Variants in FAT3 observed in about 807,000 individuals in gnomAD.
FAT3 encodes protocadherin Fat 3.
FAT3 carries 95 observed loss-of-function variants against 310.2 expected under a neutral mutation model. The ratio of observed to expected loss-of-function variants is 0.31; its 90% CI spans 0.26 to 0.36. FAT3 has a LOEUF of 0.36. Ranked by LOEUF, FAT3 falls within the 10% of genes least tolerant of loss-of-function variation. The pLI, the probability that FAT3 is intolerant of heterozygous loss-of-function variation, is 1.00. For synonymous variants in FAT3, 2,314 were observed against 2,192.9 expected (o/e 1.06, Z -1.54); for missense variants, 5,408 against 5,715.6 (o/e 0.95, Z 1.74).
intron 4 of FAT3, among the ~76,000 whole-genome samples, chr11:92,727,617 G>A (rs1397252481): frequency 1.3e-5 from 2 of 152,170 alleles, no homozygotes; most frequent in Non-Finnish European, 2.9e-5. Flanking sequence ...TGTGGGTGGC[G>A]TGGTAGGTTT....
intron 1 of FAT3, among the ~76,000 whole-genome samples, chr11:92,242,562 C>G (rs3740707): frequency 1.3e-5 from 2 of 151,646 alleles, no homozygotes; most frequent in East Asian, 3.9e-4. Flanking sequence ...GCTAGGAGGT[C>G]AAGGAGATAA....
chr11:92,352,721 C>G lies in FAT3; in HGVS notation c.609C>G (p.Leu203=), dbSNP rs1224338683. 4 of 1,613,816 alleles carry G rather than the reference C, an allele frequency of 2.5e-6. No individual in the cohort carries two copies. Among genetic ancestry groups the G allele is most frequent in the South Asian group, 2.2e-5 (2 of 91,076 alleles). Residue 203 remains leucine (L), a synonymous_variant, in exon 2 of 28, where the codon CTC becomes CTG. Transcript: ENST00000525166. ...ACTACTTTAAAAATAAAGTTGATCT[C>G]TTTTCAGTTCACCCCACGAGTGGTG... ...FYYYFKNKVD[L]FSVHPTSGVI...
intron 7 of FAT3, 99 bp downstream of exon 7, chr11:92,774,279 T>A: frequency 7.8e-7 from 1 of 1,280,316 alleles, no homozygotes; most frequent in Non-Finnish European, 1.1e-6. Flanking sequence ...TAGTAAATTA[T>A]GTCGACGGTT....
At chr11:92,836,478 A>C in intron 15 of FAT3, 88 bp from the exon 16 acceptor site, 1 of 1,462,342 alleles carries the variant, frequency 6.8e-7, no homozygotes, top group Non-Finnish European at 9.2e-7. Flanking sequence ...TCACAGCTGC[A>C]CCCATTTAAA....
At chr11:92,586,091 A>G (rs2135546959) in intron 3 of FAT3, among the ~76,000 whole-genome samples, 1 of 152,084 alleles carries the variant, frequency 6.6e-6, no homozygotes, top group South Asian at 2.1e-4. Flanking sequence ...ATGAGAGGAG[A>G]AGGATGTTTC....
intron 2 of FAT3, among the ~76,000 whole-genome samples, chr11:92,513,015 G>T (rs1591386061): frequency 1.0e-5 from 1 of 97,904 alleles, no homozygotes; most frequent in East Asian, 3.0e-4. Flanking sequence ...CCAGCTACTC[G>T]GGAGGCTGAG....
chr11:92,792,742 A>G, intron 8 of FAT3, 25 bp from the exon 9 acceptor site: 1 of 1,609,324 alleles, frequency 6.2e-7, no homozygotes, highest in Non-Finnish European at 8.5e-7. Flanking sequence ...TTTGAGTCCC[A>G]CCACTTCTTG....
chr11:92,363,327 G>A (rs752861504), intron 2 of FAT3, among the ~76,000 whole-genome samples: 18 of 152,336 alleles, frequency 1.2e-4, no homozygotes, highest in Middle Eastern at 6.8e-3. Flanking sequence ...TTGAAAAAAT[G>A]AGGAGCTCTT....
intron 2 of FAT3, among the ~76,000 whole-genome samples, chr11:92,383,156 C>G (rs1949538879): frequency 6.6e-6 from 1 of 152,156 alleles, no homozygotes; most frequent in Admixed American, 6.5e-5. Context: ...TGTCCCTGCA[C>G]AGGACATGAT....
intron 3 of FAT3, among the ~76,000 whole-genome samples, chr11:92,540,540 AC>A (rs1255664286): frequency 3.3e-5 from 5 of 152,054 alleles, no homozygotes; most frequent in Admixed American, 1.3e-4. Flanking sequence ...TTTTCATGAG[AC>A]TCCTGTTGGA....
rs1950319479 is a variant in FAT3 at position 92,412,750 on chromosome 11, T to TATATATATATATATAC, written c.3292+57347_3292+57348insTATATATATATATACA. Among the ~76,000 whole-genome samples the TATATATATATATATAC allele has an allele frequency of 1.2e-4, 8 of 66,978 alleles. 2 individuals carry two copies. The highest frequency in any genetic ancestry group is 9.1e-4 in the Admixed American group (6 of 6,594). 43.9% of individuals were successfully genotyped at this position (66,978 alleles called of 152,430 possible). On this transcript the variant is annotated intron_variant, in intron 2 of 27. Coordinates refer to ENST00000525166, the MANE Select transcript of FAT3 (RefSeq NM_001367949.2). Reference sequence around the variant, plus strand: ...ATATATATATATATATATATAAATATACATACATATATATATATTTAATGT... The same window carrying TATATATATATATATAC: ...ATATATATATATATATATATAAATATATATATATATATATACACATACATATATATATATTTAATGT...
In FAT3 at chr11:92,773,538, T is replaced by C. The variant is rs1043242904; in HGVS notation, c.4196-503T>C. On this transcript the variant is annotated intron_variant, in intron 6 of 27. Coordinates refer to ENST00000525166, the MANE Select transcript of FAT3 (RefSeq NM_001367949.2). The stretch of plus-strand genomic sequence containing the variant: ...GCTTTTTTTTACTGTTTAGAATTCA[T>C]AATTTTATTTCTGACGTTTAATTAA... Among the ~76,000 whole-genome samples the C allele has an allele frequency of 3.3e-5, 5 of 152,178 alleles. No homozygotes were observed. The South Asian group carries it at 8.3e-4, about 25-fold the overall frequency.
At chr11:92,325,983 C>T (rs1160830099) in intron 1 of FAT3, among the ~76,000 whole-genome samples, 2 of 152,142 alleles carry the variant, frequency 1.3e-5, no homozygotes, top group Non-Finnish European at 2.9e-5. Context: ...ATTACTAAGC[C>T]CTTTCAGCTT....
intron 2 of FAT3, among the ~76,000 whole-genome samples, chr11:92,447,034 A>G (rs1314430095): frequency 6.6e-6 from 1 of 152,162 alleles, no homozygotes; most frequent in Non-Finnish European, 1.5e-5. Flanking sequence ...TTTACCTCTA[A>G]ATCTGCAGGA....
intron 2 of FAT3, among the ~76,000 whole-genome samples, chr11:92,392,179 T>A (rs1293406706): frequency 6.6e-6 from 1 of 152,146 alleles, no homozygotes; most frequent in East Asian, 1.9e-4. Flanking sequence ...CACGTTATAT[T>A]CCAGCCAAAT....
chr11:92,843,994 G>T lies in FAT3; in HGVS notation c.10627G>T (p.Glu3543Ter). The change falls in exon 19 of 28, where the codon GAG becomes TAG. Residue 3543 changes from glutamate (E) to a stop codon, truncating the protein, a stop_gained. Coordinates refer to ENST00000525166, the MANE Select transcript of FAT3 (RefSeq NM_001367949.2). LOFTEE classifies it high-confidence loss of function. Reference sequence around the variant, plus strand: ...CACTTACATCCGCGTGCGAGTCATTGAGGAAAGCACCCACAAGCCCACAGC... The same window carrying T: ...CACTTACATCCGCGTGCGAGTCATTTAGGAAAGCACCCACAAGCCCACAGC... ...SHTYIRVRVI[E>*]ESTHKPTAIP... 6.2e-7 allele frequency: 1 copy of T among 1,613,870 alleles called. No individual in the cohort carries two copies. The highest frequency in any genetic ancestry group is 1.1e-5 in the South Asian group (1 of 91,070).
chr11:92,790,656 T>C lies in FAT3; in HGVS notation c.4611+438T>C, dbSNP rs541315412. ...GGATTTACAAAACCAATTTATTATTTATTGTACTGGCACTGGACCTAGTAG... is the reference window on the plus strand; with the variant it reads ...GGATTTACAAAACCAATTTATTATTCATTGTACTGGCACTGGACCTAGTAG... On this transcript the variant is annotated intron_variant, in intron 8 of 27. Transcript: ENST00000525166. Among the ~76,000 whole-genome samples, 7 of 152,332 alleles carry C rather than the reference T, an allele frequency of 4.6e-5. No individual in the cohort carries two copies. The South Asian group carries it at 1.5e-3, about 32-fold the overall frequency.
chr11:92,564,194 C>A (rs1310237671), intron 3 of FAT3, among the ~76,000 whole-genome samples: 2 of 152,088 alleles, frequency 1.3e-5, no homozygotes, highest in Non-Finnish European at 2.9e-5. Context: ...GAAGGAAGAT[C>A]TATCAAACAA....
intron 3 of FAT3, among the ~76,000 whole-genome samples, chr11:92,627,113 A>G (rs1288695474): frequency 6.6e-6 from 1 of 152,230 alleles, no homozygotes; most frequent in African/African-American, 2.4e-5. Context: ...CCTTCAGAGA[A>G]AATTAAATGT....
Sources: gnomAD v4.1 joint callset for allele counts (sites outside exome capture counted in the v4.1 genomes callset) on GRCh38, gnomAD v4.1.1 for gene constraint, MANE v1.5 for transcripts, NCBI Gene and HGNC (gene_info 2026-07-23, HGNC 2026-07-21) for gene names.